Variants in PHACTR3 observed in about 807,000 individuals in gnomAD.
The protein encoded by PHACTR3 is phosphatase and actin regulator 3, also known as protein phosphatase 1, regulatory subunit 123.
PHACTR3 carries 16 observed loss-of-function variants against 66.8 expected under a neutral mutation model. That is an observed-to-expected ratio of 0.24 (90% CI 0.16 to 0.36). PHACTR3 has a LOEUF of 0.36. Ranked by LOEUF, PHACTR3 falls within the 10% of genes least tolerant of loss-of-function variation. The probability of loss-of-function intolerance (pLI) is 1.00; values close to 1 mark genes in which losing one functional copy is unlikely to be tolerated. For synonymous variants in PHACTR3, 323 were observed against 292.1 expected, an observed-to-expected ratio of 1.11 and a Z score of -1.08; for missense variants, 647 against 719.9, an observed-to-expected ratio of 0.90 and a Z score of 1.16.
At chr20:59,699,702 A>G (rs1332056821) in intron 1 of PHACTR3, among the ~76,000 whole-genome samples, 1 of 152,132 alleles carries the variant, frequency 6.6e-6, no homozygotes, top group African/African-American at 2.4e-5. Flanking sequence ...GGTGGCTCAC[A>G]CCTGTAATCC....
intron 1 of PHACTR3, among the ~76,000 whole-genome samples, chr20:59,608,815 C>A (rs2033755920): frequency 1.3e-5 from 2 of 152,240 alleles, no homozygotes; most frequent in African/African-American, 4.8e-5. Flanking sequence ...GAACTCTGAT[C>A]TCATTTCTGA....
intron 1 of PHACTR3, among the ~76,000 whole-genome samples, chr20:59,719,329 T>C (rs899252919): frequency 1.3e-5 from 2 of 152,104 alleles, no homozygotes; most frequent in African/African-American, 4.8e-5. Flanking sequence ...CACACCCGGC[T>C]AATTTTTGTA....
At chr20:59,578,826 C>A (rs56665180) in intron 1 of PHACTR3, among the ~76,000 whole-genome samples, 1 of 152,254 alleles carries the variant, frequency 6.6e-6, no homozygotes, top group East Asian at 1.9e-4. Flanking sequence ...TTCTGTGGTG[C>A]CCTTGGAGGA....
chr20:59,834,263 C>T (rs2042463431), intron 8 of PHACTR3, among the ~76,000 whole-genome samples: 1 of 152,204 alleles, frequency 6.6e-6, no homozygotes. Flanking sequence ...CATCTCCTTC[C>T]TGCTTCCGAG....
chr20:59,846,402 C>T (rs1411704973), intron 12 of PHACTR3, among the ~76,000 whole-genome samples: 1 of 152,072 alleles, frequency 6.6e-6, no homozygotes, highest in Non-Finnish European at 1.5e-5. Flanking sequence ...GGTTCCCTCC[C>T]ATGACTAACA....
intron 1 of PHACTR3, among the ~76,000 whole-genome samples, chr20:59,589,442 A>G (rs2146310008): frequency 6.6e-6 from 1 of 152,352 alleles, no homozygotes; most frequent in East Asian, 1.9e-4. Flanking sequence ...TCTTGGGATC[A>G]TCATTGCTAC....
At chr20:59,693,687 G>A (rs2037190105) in intron 1 of PHACTR3, among the ~76,000 whole-genome samples, 1 of 152,200 alleles carries the variant, frequency 6.6e-6, no homozygotes, top group African/African-American at 2.4e-5. Context: ...ACTTAGCTGG[G>A]TGGTTCTTCC....
At chr20:59,674,709 C>CCCCTTCTGCTGTTCCCCCTTCTGTTCTG (rs147460718) in intron 1 of PHACTR3, among the ~76,000 whole-genome samples, 1 of 53,084 alleles carries the variant, frequency 1.9e-5, no homozygotes, top group Non-Finnish European at 3.2e-5. Context: ...TCTCCTGTCC[C>CCCCTTCTGCTGTTCCCCCTTCTGTTCTG]CCCTTCTCCT....
At chr20:59,581,115 G>A (rs1259806442) in intron 1 of PHACTR3, among the ~76,000 whole-genome samples, 1 of 149,742 alleles carries the variant, frequency 6.7e-6, no homozygotes, top group African/African-American at 2.5e-5. Context: ...ATCGCAGAAG[G>A]ACATGGGTAC....
chr20:59,833,343 C>T (rs902143692), intron 8 of PHACTR3, among the ~76,000 whole-genome samples: 2 of 152,232 alleles, frequency 1.3e-5, no homozygotes, highest in African/African-American at 4.8e-5. Context: ...TCCACGCTTT[C>T]CTGAGGTGTA....
intron 8 of PHACTR3, among the ~76,000 whole-genome samples, chr20:59,806,846 G>A (rs528410568): frequency 1.5e-4 from 23 of 152,268 alleles, no homozygotes; most frequent in East Asian, 9.6e-4. Flanking sequence ...CTACAAACCC[G>A]TACAGCACAT....
At chr20:59,788,109 A>C in intron 7 of PHACTR3, among the ~76,000 whole-genome samples, 1 of 150,952 alleles carries the variant, frequency 6.6e-6, no homozygotes, top group African/African-American at 2.4e-5. Flanking sequence ...CCCCCCTCCC[A>C]CTCTTCTCCC....
At chr20:59,718,166 G>A (rs2038164718) in intron 1 of PHACTR3, among the ~76,000 whole-genome samples, 1 of 152,172 alleles carries the variant, frequency 6.6e-6, no homozygotes, top group Non-Finnish European at 1.5e-5. Context: ...CTGAGTCCTG[G>A]GCAGCTGTGT....
chr20:59,708,238 T>A (rs11906354), intron 1 of PHACTR3, among the ~76,000 whole-genome samples: 1 of 152,092 alleles, frequency 6.6e-6, no homozygotes, highest in Non-Finnish European at 1.5e-5. Context: ...CACGTGCTAC[T>A]GTAGTGATCT....
At chr20:59,644,988 C>T (rs1221596836) in intron 1 of PHACTR3, among the ~76,000 whole-genome samples, 1 of 152,108 alleles carries the variant, frequency 6.6e-6, no homozygotes. Context: ...GGCCTGACAG[C>T]ACGTTTTTCA....
At chr20:59,698,237 C>A (rs547771741) in intron 1 of PHACTR3, among the ~76,000 whole-genome samples, 54 of 152,054 alleles carry the variant, frequency 3.6e-4, no homozygotes, top group Non-Finnish European at 6.2e-4. Context: ...TAAACCTACC[C>A]ACCCCAACAA....
At chr20:59,755,424 G>A in intron 4 of PHACTR3, 60 bp downstream of exon 4, 1 of 1,554,376 alleles carries the variant, frequency 6.4e-7, no homozygotes, top group Non-Finnish European at 8.7e-7. Context: ...CGTCCCCACT[G>A]TTGTCCTTGG....
intron 1 of PHACTR3, among the ~76,000 whole-genome samples, chr20:59,693,738 A>AGGCT (rs1369310818): frequency 6.6e-6 from 1 of 152,212 alleles, no homozygotes; most frequent in Non-Finnish European, 1.5e-5. Context: ...ATTCAACTGC[A>AGGCT]GGCTGGGTAT....
intron 1 of PHACTR3, among the ~76,000 whole-genome samples, chr20:59,665,753 C>T (rs887179751): frequency 1.3e-5 from 2 of 151,548 alleles, no homozygotes; most frequent in South Asian, 2.1e-4. Context: ...AGATGAAGGG[C>T]GAGAGGATTG....
Sources: gnomAD v4.1 joint callset for allele counts (sites outside exome capture counted in the v4.1 genomes callset) on GRCh38, gnomAD v4.1.1 for gene constraint, MANE v1.5 for transcripts, NCBI Gene and HGNC (gene_info 2026-07-23, HGNC 2026-07-21) for gene names.